Variants in NRG1 observed in about 807,000 individuals in gnomAD.
NRG1 encodes the protein pro-neuregulin-1, membrane-bound isoform.
NRG1 carries 18 observed loss-of-function variants against 63.8 expected under a neutral mutation model. The ratio of observed to expected loss-of-function variants is 0.28; its 90% CI spans 0.19 to 0.42. NRG1 has a LOEUF of 0.42. NRG1 is among the 10% of genes least tolerant of loss of function. The pLI is 1.00. For synonymous variants in NRG1, 302 were observed against 301.3 expected (o/e 1.00, Z -0.02); for missense variants, 762 against 814.7 (o/e 0.94, Z 0.79).
intron 1 of NRG1, among the ~76,000 whole-genome samples, chr8:32,249,270 C>T (rs758416788): frequency 1.1e-3 from 166 of 152,056 alleles, no homozygotes; most frequent in Non-Finnish European, 1.5e-3. Context: ...ATCTGGCCAA[C>T]AGGGAAATAT....
intron 1 of NRG1, among the ~76,000 whole-genome samples, chr8:32,462,762 C>A (rs1002311308): frequency 3.3e-5 from 5 of 151,894 alleles, no homozygotes; most frequent in Non-Finnish European, 7.4e-5. Context: ...CACCACCATG[C>A]CCGGCTAACT....
rs1252213410 is a variant in NRG1 at position 31,741,905 on chromosome 8, G to T, written c.37+102474G>T. The stretch of plus-strand genomic sequence containing the variant: ...ATATAAGAATATTCCTAGAATTACT[G>T]AAATGGCAAAAAACTGAAAAAAACT... On this transcript the variant is annotated intron_variant, in intron 1 of 10. Coordinates refer to the NRG1 transcript ENST00000519301. Among the ~76,000 whole-genome samples the T allele has an allele frequency of 2.0e-5, 3 of 151,950 alleles. No individual in the cohort carries two copies. The East Asian group carries it at 5.8e-4, about 30-fold the overall frequency.
intron 1 of NRG1, among the ~76,000 whole-genome samples, chr8:31,828,424 G>A (rs1388612012): frequency 1.3e-5 from 2 of 152,174 alleles, no homozygotes; most frequent in Non-Finnish European, 2.9e-5. Context: ...CAAAATTATA[G>A]CTGCGTGGAG....
chr8:31,814,974 C>T (rs908141984), intron 1 of NRG1, among the ~76,000 whole-genome samples: 6 of 152,056 alleles, frequency 3.9e-5, no homozygotes, highest in African/African-American at 1.4e-4. Context: ...CTAACATCTG[C>T]TAGGAGGATC....
At chr8:31,807,216 C>T (rs1412741251) in intron 1 of NRG1, among the ~76,000 whole-genome samples, 1 of 152,192 alleles carries the variant, frequency 6.6e-6, no homozygotes, top group Non-Finnish European at 1.5e-5. Flanking sequence ...TTATCTGTGC[C>T]CCTCTCTTGG....
At chr8:31,651,466 G>A (rs1259630836) in intron 1 of NRG1, among the ~76,000 whole-genome samples, 1 of 152,184 alleles carries the variant, frequency 6.6e-6, no homozygotes, top group African/African-American at 2.4e-5. Context: ...CTAATAATTA[G>A]CACTGTTGCT....
At chr8:31,800,473 G>A (rs1018783721) in intron 1 of NRG1, among the ~76,000 whole-genome samples, 3 of 152,100 alleles carry the variant, frequency 2.0e-5, no homozygotes, top group Non-Finnish European at 2.9e-5. Flanking sequence ...TGTTTCTACC[G>A]CATTTATCTC....
chr8:32,513,004 C>T (rs4422736), intron 1 of NRG1, among the ~76,000 whole-genome samples: 22,716 of 151,920 alleles, frequency 0.15, 3,256 homozygotes, highest in East Asian at 0.62. Context: ...CAAACAAAGA[C>T]GGATACATGT....
chr8:32,417,193 G>T (rs536276328), intron 1 of NRG1, among the ~76,000 whole-genome samples: 1 of 152,254 alleles, frequency 6.6e-6, no homozygotes, highest in South Asian at 2.1e-4. Flanking sequence ...TCTATTGGGG[G>T]TGTGCCTTCT....
intron 1 of NRG1, among the ~76,000 whole-genome samples, chr8:32,169,540 A>C (rs1839782221): frequency 6.6e-6 from 1 of 152,200 alleles, no homozygotes; most frequent in African/African-American, 2.4e-5. Context: ...GATTAGTGTA[A>C]ATTAAGTAGA....
At chr8:31,899,708 GA>G (rs1256350984) in intron 1 of NRG1, among the ~76,000 whole-genome samples, 1 of 152,020 alleles carries the variant, frequency 6.6e-6, no homozygotes, top group Non-Finnish European at 1.5e-5. Context: ...GGTTAAATTT[GA>G]GTTGTAGAAA....
intron 1 of NRG1, among the ~76,000 whole-genome samples, chr8:31,952,794 A>G (rs2129623631): frequency 6.6e-6 from 1 of 152,258 alleles, no homozygotes; most frequent in Non-Finnish European, 1.5e-5. Flanking sequence ...CCCTGCTGAA[A>G]CCTTGTGGAC....
chr8:31,892,423 G>A (rs973713444), intron 1 of NRG1, among the ~76,000 whole-genome samples: 1 of 151,984 alleles, frequency 6.6e-6, no homozygotes, highest in Non-Finnish European at 1.5e-5. Flanking sequence ...ACCAATTTAG[G>A]ATAACTTCAC....
chr8:32,714,788 A>C (rs1050797822), intron 5 of NRG1, among the ~76,000 whole-genome samples: 14 of 152,146 alleles, frequency 9.2e-5, no homozygotes, highest in African/African-American at 2.9e-4. Flanking sequence ...ACACAAACAC[A>C]CACATGCACA....
At chr8:32,378,833 T>C (rs1334234662) in intron 1 of NRG1, among the ~76,000 whole-genome samples, 2 of 145,118 alleles carry the variant, frequency 1.4e-5, no homozygotes, top group Non-Finnish European at 3.0e-5. Flanking sequence ...TGTGTTCTCA[T>C]TGTTCAATTC....
chr8:31,774,946 G>A (rs1818974892), intron 1 of NRG1, among the ~76,000 whole-genome samples: 1 of 152,130 alleles, frequency 6.6e-6, no homozygotes, highest in African/African-American at 2.4e-5. Flanking sequence ...CCCAACAGAT[G>A]TTGATGAGGA....
At chr8:32,415,669 C>T (rs1006339989) in intron 1 of NRG1, among the ~76,000 whole-genome samples, 1 of 152,144 alleles carries the variant, frequency 6.6e-6, no homozygotes, top group Non-Finnish European at 1.5e-5. Context: ...CTAACCTTTC[C>T]CCTTTCATAC....
chr8:32,300,411 A>G (rs1039650874), intron 1 of NRG1, among the ~76,000 whole-genome samples: 3 of 152,212 alleles, frequency 2.0e-5, no homozygotes, highest in African/African-American at 7.2e-5. Flanking sequence ...AACTGCTTCC[A>G]TCAGGGAAAA....
intron 1 of NRG1, among the ~76,000 whole-genome samples, chr8:32,217,388 C>T (rs905335254): frequency 2.0e-5 from 3 of 152,072 alleles, no homozygotes; most frequent in Non-Finnish European, 2.9e-5. Flanking sequence ...CCACACCTAA[C>T]GGAGCGTCCC....
Sources: allele counts gnomAD v4.1 joint callset (sites outside exome capture counted in the v4.1 genomes callset), GRCh38; gene constraint gnomAD v4.1.1; transcripts MANE v1.5; gene names NCBI Gene and HGNC (gene_info 2026-07-23, HGNC 2026-07-21).